RBFOX1: variants seen among roughly 807,000 people sequenced by gnomAD.
The protein encoded by RBFOX1 is RNA binding fox-1 homolog 1, also known as RNA binding protein fox-1 homolog 1.
Under a neutral mutation model 57.7 loss-of-function variants are expected in RBFOX1, and 8 were observed. That is an observed-to-expected ratio of 0.14 (90% CI 0.08 to 0.25). RBFOX1 has a LOEUF of 0.25. Among genes scored for constraint, RBFOX1 ranks in the 10% least tolerant of loss-of-function variants. RBFOX1 has a pLI of 1.00. For synonymous variants in RBFOX1, 326 were observed against 222.4 expected (o/e 1.47, Z -4.15); for missense variants, 611 against 548.5 (o/e 1.11, Z -1.14).
intron 4 of RBFOX1, among the ~76,000 whole-genome samples, chr16:5,965,441 A>G (rs1175868679): frequency 6.6e-6 from 1 of 152,126 alleles, no homozygotes; most frequent in African/African-American, 2.4e-5. Context: ...TGTCAACCAT[A>G]CCTCCACAAA....
chr16:5,398,277 G>A (rs551784), intron 1 of RBFOX1, among the ~76,000 whole-genome samples: 8,042 of 151,622 alleles, frequency 0.053, 728 homozygotes, highest in African/African-American at 0.18. Flanking sequence ...GCACGTGCTG[G>A]TGTGTGTGCA....
rs1268764548 is a variant in RBFOX1, at chr16:7,635,957, C to T, written c.757+5274C>T. On this transcript the variant is annotated intron_variant, in intron 11 of 15. Transcript: ENST00000550418. ...TCCCAAGTAGCTGGGACTACAGGCG[C>T]CCGCCACCATGCCCGGCTAATTTCT... 5.3e-5 allele frequency among the ~76,000 whole-genome samples: 8 copies of T among 152,250 alleles called. No individual in the cohort carries two copies. The East Asian group carries it at 1.5e-3, about 29-fold the overall frequency.
chr16:5,390,477 C>A (rs145633146), intron 1 of RBFOX1, among the ~76,000 whole-genome samples: 3,471 of 151,748 alleles, frequency 0.023, 138 homozygotes, highest in African/African-American at 0.079. Flanking sequence ...TTCGTAGAGA[C>A]GGGGTTTCAC....
At chr16:6,647,984 C>G (rs141122915) in intron 2 of RBFOX1, among the ~76,000 whole-genome samples, 5 of 152,044 alleles carry the variant, frequency 3.3e-5, no homozygotes, top group African/African-American at 1.2e-4. Flanking sequence ...TGGAATTACA[C>G]GTGTGTGCCA....
chr16:6,487,455 G>T (rs940260410), intron 2 of RBFOX1, among the ~76,000 whole-genome samples: 1 of 151,414 alleles, frequency 6.6e-6, no homozygotes, highest in Non-Finnish European at 1.5e-5. Flanking sequence ...AGGATCAGTT[G>T]GATATTTGTA....
chr16:5,395,197 C>A (rs115008294), intron 1 of RBFOX1, among the ~76,000 whole-genome samples: 1,598 of 152,326 alleles, frequency 0.01, 39 homozygotes, highest in African/African-American at 0.037. Context: ...GTCATGACCT[C>A]ACCTGGTGGT....
intron 2 of RBFOX1, among the ~76,000 whole-genome samples, chr16:6,532,308 G>T (rs75617551): frequency 0.014 from 2,130 of 152,244 alleles, 48 homozygotes; most frequent in African/African-American, 0.048. Context: ...GCACCAACCA[G>T]TGAGCAAGTG....
chr16:6,090,668 T>C (rs1229365140), intron 1 of RBFOX1, among the ~76,000 whole-genome samples: 1 of 152,226 alleles, frequency 6.6e-6, no homozygotes, highest in Non-Finnish European at 1.5e-5. Context: ...TGAACACACC[T>C]GTGAAAGCAG....
At chr16:6,298,385 A>G (rs4480803) in intron 1 of RBFOX1, among the ~76,000 whole-genome samples, 151,608 of 152,346 alleles carry the variant, frequency 1, 75,446 homozygotes, top group East Asian at 1. Context: ...CAGCTCCCCA[A>G]GTATATCCCA....
At chr16:6,742,154 A>AT (rs2072368628) in intron 3 of RBFOX1, among the ~76,000 whole-genome samples, 1 of 152,188 alleles carries the variant, frequency 6.6e-6, no homozygotes, top group African/African-American at 2.4e-5. Context: ...AAACCAATCC[A>AT]TTTAGAAAAT....
intron 4 of RBFOX1, among the ~76,000 whole-genome samples, chr16:7,460,458 CATATCTAATAT>C (rs1435162837): frequency 1.6e-5 from 2 of 124,512 alleles, no homozygotes; most frequent in African/African-American, 6.2e-5. Context: ...TGTGTATATA[CATATCTAATAT>C]ATATCTAATT....
At chr16:7,082,544 A>G (rs529949528) in intron 4 of RBFOX1, among the ~76,000 whole-genome samples, 64 of 151,756 alleles carry the variant, frequency 4.2e-4, no homozygotes, top group Non-Finnish European at 1.2e-4. Flanking sequence ...CCTGGGTGAC[A>G]GAGTGAGACC....
chr16:7,465,975 C>T (rs1042500520), intron 4 of RBFOX1, among the ~76,000 whole-genome samples: 1 of 152,184 alleles, frequency 6.6e-6, no homozygotes. Flanking sequence ...AAGCAGACAT[C>T]TCTCTAACAG....
At chr16:7,651,150 A>G (rs1313740761) in intron 11 of RBFOX1, among the ~76,000 whole-genome samples, 1 of 152,202 alleles carries the variant, frequency 6.6e-6, no homozygotes, top group Non-Finnish European at 1.5e-5. Context: ...CAATCCTCGT[A>G]TTTTACCCGC....
chr16:6,435,157 G>T (rs143550293), intron 2 of RBFOX1, among the ~76,000 whole-genome samples: 4 of 151,942 alleles, frequency 2.6e-5, no homozygotes, highest in African/African-American at 7.3e-5. Context: ...TCACTTTTTC[G>T]TAGTGAACGC....
At chr16:7,531,115 GA>G (rs2079956803) in intron 5 of RBFOX1, among the ~76,000 whole-genome samples, 2 of 152,160 alleles carry the variant, frequency 1.3e-5, no homozygotes, top group Non-Finnish European at 1.5e-5. Flanking sequence ...TTTTGAAAGT[GA>G]AAAGGCAATT....
intron 1 of RBFOX1, among the ~76,000 whole-genome samples, chr16:5,249,980 A>G (rs539929831): frequency 1.8e-4 from 26 of 141,722 alleles, no homozygotes; most frequent in Non-Finnish European, 2.8e-4. Context: ...TGAGGAGCAG[A>G]TTGCAGTGAG....
At chr16:7,656,650 C>G (rs974303351) in intron 12 of RBFOX1, among the ~76,000 whole-genome samples, 5 of 152,188 alleles carry the variant, frequency 3.3e-5, no homozygotes, top group Non-Finnish European at 7.3e-5. Context: ...CGTCTTTACC[C>G]CAGCCCAGTG....
chr16:6,784,371 C>A (rs947370428), intron 3 of RBFOX1, among the ~76,000 whole-genome samples: 4 of 152,036 alleles, frequency 2.6e-5, no homozygotes, highest in Non-Finnish European at 4.4e-5. Flanking sequence ...CTGATTCTTT[C>A]TTCTGCTTCA....
Sources: gnomAD v4.1 joint callset for allele counts (sites outside exome capture counted in the v4.1 genomes callset) on GRCh38, gnomAD v4.1.1 for gene constraint, MANE v1.5 for transcripts, NCBI Gene and HGNC (gene_info 2026-07-23, HGNC 2026-07-21) for gene names.